MFGE8: variants seen among roughly 807,000 people sequenced by gnomAD.
MFGE8 encodes the protein lactadherin.
MFGE8 carries 34 observed loss-of-function variants against 42.6 expected under a neutral mutation model. That is an observed-to-expected ratio of 0.80 (90% confidence interval 0.61 to 1.06). The LOEUF (loss-of-function observed/expected upper bound fraction) is 1.06. MFGE8 is among the 50% of genes least tolerant of loss of function. The pLI is 0.00. For synonymous variants in MFGE8, 230 were observed against 214.8 expected (o/e 1.07, Z -0.62); for missense variants, 510 against 516.9 (o/e 0.99, Z 0.13).
At chr15:88,900,310 C>T (rs969135205) in intron 6 of MFGE8, among the ~76,000 whole-genome samples, 2 of 151,832 alleles carry the variant, frequency 1.3e-5, no homozygotes, top group South Asian at 2.1e-4. Flanking sequence ...ACATGGTGTT[C>T]GGTACCTCAC....
In MFGE8 at chr15:88,907,009, C is replaced by A. The variant is rs550931882; in HGVS notation, c.387+186G>T. ...TCCACAGCCTGGGGCCTCCTCCCCC[C>A]TCACCTTGACCCCATACCAGGTTCC... is the stretch of plus-strand genomic sequence containing the variant. On this transcript the variant is annotated intron_variant, in intron 3 of 7. Transcript: ENST00000268150. 3.9e-5 allele frequency among the ~76,000 whole-genome samples: 6 copies of A among 152,238 alleles called. 1 individual carries two copies. The East Asian group carries it at 1.2e-3, about 29-fold the overall frequency.
intron 2 of MFGE8, among the ~76,000 whole-genome samples, chr15:88,907,852 C>A (rs960320106): frequency 6.6e-6 from 1 of 152,162 alleles, no homozygotes; most frequent in African/African-American, 2.4e-5. Context: ...GGAAGGGACG[C>A]CATCCTCAGC....
Position 88,906,545 on chromosome 15 carries a change from C to T in MFGE8, c.540+81G>A. On this transcript the variant is annotated intron_variant, in intron 4 of 7. Coordinates refer to ENST00000268150, the MANE Select transcript of MFGE8 (RefSeq NM_005928.4). The surrounding 1 kb of genome is among the most constrained non-coding windows in gnomAD (Gnocchi z 4.2). ...AGCCAATCACCTAGGGTTCTCTGGACTCGCTGGGGGTCCTCAGTCAATGCT... is the reference window on the plus strand; with the variant it reads ...AGCCAATCACCTAGGGTTCTCTGGATTCGCTGGGGGTCCTCAGTCAATGCT... 6.5e-7 allele frequency: 1 copy of T among 1,547,124 alleles called. No homozygotes were observed. The highest frequency in any genetic ancestry group is 8.9e-7 in the Non-Finnish European group (1 of 1,120,446).
At position 88,906,872 on chromosome 15, in the gene MFGE8, G is replaced by T. The variant is rs1043371818; in HGVS notation, c.388-94C>A. On this transcript the variant is annotated intron_variant, in intron 3 of 7. Coordinates refer to ENST00000268150, the MANE Select transcript of MFGE8 (RefSeq NM_005928.4). This position sits in a 1 kb window ranked among gnomAD's most constrained non-coding sequence, Gnocchi z 4.2. ...CCATCCCTTCACTCCCCCACTGGGT[G>T]GGGGAACAACTCAAGCAAAACAGAG... The T allele has an allele frequency of 1.3e-6, 2 of 1,502,026 alleles. No homozygotes were observed. Among genetic ancestry groups the T allele is most frequent in the African/African-American group, 1.4e-5 (1 of 71,940 alleles). 93.0% of individuals were successfully genotyped at this position (1,502,026 alleles called of 1,614,324 possible).
chr15:88,912,425 T>C, intron 1 of MFGE8: 2 of 985,360 alleles, frequency 2.0e-6, no homozygotes, highest in South Asian at 4.7e-5. Flanking sequence ...AGCTGTTACC[T>C]ACCTTGCTTC....
intron 1 of MFGE8, chr15:88,912,074 CCA>C: frequency 1.6e-6 from 2 of 1,275,826 alleles, no homozygotes; most frequent in Non-Finnish European, 2.0e-6. Flanking sequence ...GCAAAACGGT[CCA>C]GTGGGAAAAA....
rs777015469 is a variant in MFGE8 at position 88,899,399 on chromosome 15, C to T, written c.1160G>A (p.Cys387Tyr). 1.5e-5 allele frequency: 24 copies of T among 1,613,998 alleles called. No individual in the cohort carries two copies. Among genetic ancestry groups the T allele is most frequent in the Non-Finnish European group, 1.9e-5 (22 of 1,180,000 alleles). ...RIALRLELLG[C>Y] is the part of the protein sequence containing the mutation. ...CCTGGGGGTGGCAGGTGGCCACTAA[C>T]AGCCCAGCAGCTCCAGGCGCAGGGC... Residue 387 changes from cysteine (C) to tyrosine (Y), a missense_variant, in exon 8 of 8, where the codon TGT becomes TAT. Physicochemically the swap from Cys to Tyr is radical, Grantham distance 194. Coordinates refer to ENST00000268150, the MANE Select transcript of MFGE8 (RefSeq NM_005928.4). This position sits in a 1 kb window ranked among gnomAD's most constrained non-coding sequence, Gnocchi z 6.8.
intron 2 of MFGE8, 47 bp from the exon 3 acceptor site, chr15:88,907,423 C>A: frequency 6.3e-7 from 1 of 1,577,014 alleles, no homozygotes; most frequent in South Asian, 1.1e-5. Flanking sequence ...AGCAGGTTCC[C>A]GGGCCCAGCT....
At chr15:88,907,528 A>T in intron 2 of MFGE8, 152 bp from the exon 3 acceptor site, 1 of 769,398 alleles carries the variant, frequency 1.3e-6, no homozygotes, top group African/African-American at 1.7e-5. Context: ...CAAAGACCAC[A>T]AAGGGACAAT....
At chr15:88,908,409 C>T (rs1898800080) in intron 2 of MFGE8, among the ~76,000 whole-genome samples, 2 of 152,214 alleles carry the variant, frequency 1.3e-5, no homozygotes, top group Admixed American at 6.5e-5. Context: ...ATCCCCATAC[C>T]CCACCACGCT....
chr15:88,909,681 T>C, intron 2 of MFGE8, 111 bp downstream of exon 2: 1 of 1,536,072 alleles, frequency 6.5e-7, no homozygotes, highest in Non-Finnish European at 9.0e-7. Flanking sequence ...ACACCTCCAC[T>C]GGGGTGGGGA....
In MFGE8 at chr15:88,906,867, T is replaced by G; in HGVS notation, c.388-89A>C. On this transcript the variant is annotated intron_variant, in intron 3 of 7. Transcript: ENST00000268150. The surrounding 1 kb of genome is among the most constrained non-coding windows in gnomAD (Gnocchi z 4.2). ...CAGACCCATCCCTTCACTCCCCCAC[T>G]GGGTGGGGGAACAACTCAAGCAAAA... 1 of 1,484,484 alleles carries G rather than the reference T, an allele frequency of 6.7e-7. No homozygotes were observed. Among genetic ancestry groups the G allele is most frequent in the East Asian group, 2.3e-5 (1 of 43,958 alleles). 92.0% of individuals were successfully genotyped at this position (1,484,484 alleles called of 1,614,324 possible).
chr15:88,901,292 C>T (rs1329164636), intron 6 of MFGE8, among the ~76,000 whole-genome samples: 2 of 148,672 alleles, frequency 1.3e-5, no homozygotes, highest in East Asian at 3.9e-4. Context: ...CACATTCACA[C>T]ACATTCACAC....
chr15:88,906,877 A>AGT lies in MFGE8; in HGVS notation c.388-100_388-99insAC. On this transcript the variant is annotated intron_variant, in intron 3 of 7. Coordinates refer to ENST00000268150, the MANE Select transcript of MFGE8 (RefSeq NM_005928.4). The surrounding 1 kb of genome is among the most constrained non-coding windows in gnomAD (Gnocchi z 4.2). ...CCTTCACTCCCCCACTGGGTGGGGG[A>AGT]ACAACTCAAGCAAAACAGAGGAGGG... is the stretch of plus-strand genomic sequence containing the variant. 1 of 1,476,156 alleles carries AGT rather than the reference A, an allele frequency of 6.8e-7. No homozygotes were observed. The highest frequency in any genetic ancestry group is 9.4e-7 in the Non-Finnish European group (1 of 1,061,876). 91.4% of individuals were successfully genotyped at this position (1,476,156 alleles called of 1,614,324 possible). A position where few individuals can be genotyped will look rare whatever the true frequency, so the allele number is the denominator to read the frequency against.
At chr15:88,911,818 C>T (rs1445846305) in intron 1 of MFGE8, among the ~76,000 whole-genome samples, 2 of 152,296 alleles carry the variant, frequency 1.3e-5, no homozygotes, top group South Asian at 4.1e-4. Flanking sequence ...TCTCAAAGCC[C>T]CTTCATCCCA....
chr15:88,912,004 G>A lies in MFGE8; in HGVS notation c.73+1243C>T, dbSNP rs763276007. On this transcript the variant is annotated intron_variant, in intron 1 of 7. Coordinates refer to ENST00000268150, the MANE Select transcript of MFGE8 (RefSeq NM_005928.4). ...CGAGCATTGACACAGACAGAGGCTT[G>A]GGTTGGGAATGGACTCTTCCCTCCC... 6.6e-5 allele frequency: 46 copies of A among 701,500 alleles called. 1 individual carries two copies. The South Asian group carries it at 7.1e-4, about 11-fold the overall frequency. The allele number at this position is 701,500 out of a possible 1,614,324, so 43.5% of individuals were successfully genotyped here. A position where few individuals can be genotyped will look rare whatever the true frequency, so the allele number is the denominator to read the frequency against.
rs748519927 is a variant in MFGE8, at chr15:88,906,737, C to T, written c.429G>A (p.Thr143=). Residue 143 remains threonine (T), a synonymous_variant, in exon 4 of 8, where the codon ACG becomes ACA. Transcript: ENST00000268150. The surrounding 1 kb of genome is among the most constrained non-coding windows in gnomAD (Gnocchi z 4.2). ...GACTGGCCAAGCGGCTGGCACCCTG[C>T]GTCACCACACCTGTTACCCACATCC... is the stretch of plus-strand genomic sequence containing the variant. ...LRRMWVTGVV[T]QGASRLASHE... 1.6e-5 allele frequency: 26 copies of T among 1,613,472 alleles called. No individual in the cohort carries two copies. Among genetic ancestry groups the T allele is most frequent in the South Asian group, 3.3e-5 (3 of 91,044 alleles).
chr15:88,911,635 G>C (rs942470739), intron 1 of MFGE8, among the ~76,000 whole-genome samples: 1 of 152,010 alleles, frequency 6.6e-6, no homozygotes, highest in Non-Finnish European at 1.5e-5. Context: ...GCTGAGGAAA[G>C]AGAATGGCAT....
At chr15:88,908,832 G>C (rs560230470) in intron 2 of MFGE8, among the ~76,000 whole-genome samples, 24 of 152,160 alleles carry the variant, frequency 1.6e-4, no homozygotes, top group Non-Finnish European at 3.2e-4. Flanking sequence ...GAGGTAAAAG[G>C]CATCCTACTC....
Sources: gnomAD v4.1 joint callset for allele counts (sites outside exome capture counted in the v4.1 genomes callset) on GRCh38, gnomAD v4.1.1 for gene constraint, Gnocchi (gnomAD v3.1) non-coding constraint, MANE v1.5 for transcripts, NCBI Gene and HGNC (gene_info 2026-07-23, HGNC 2026-07-21) for gene names.